The following SMCHD1 variants were observed in gnomAD, a reference collection of about 807,000 sequenced individuals.
SMCHD1 encodes structural maintenance of chromosomes flexible hinge domain-containing protein 1.
Under a neutral mutation model 254.7 loss-of-function variants are expected in SMCHD1, and 78 were observed. The observed-to-expected ratio is 0.31, with a 90% CI of 0.26 to 0.37. SMCHD1 has a LOEUF of 0.37. Ranked by LOEUF, SMCHD1 falls within the 10% of genes least tolerant of loss-of-function variation. SMCHD1 has a pLI of 1.00. For missense variants in SMCHD1, 1,840 were observed against 2,408.1 expected, an observed-to-expected ratio of 0.76 and a Z score of 4.94; for synonymous variants, 766 against 794.9, an observed-to-expected ratio of 0.96 and a Z score of 0.61.
At position 2,775,836 on chromosome 18, in the gene SMCHD1, G is replaced by A; in HGVS notation, c.5278G>A (p.Ala1760Thr). 1 of 1,612,412 alleles carries A rather than the reference G, an allele frequency of 6.2e-7. No homozygotes were observed. Among genetic ancestry groups the A allele is most frequent in the Non-Finnish European group, 8.5e-7 (1 of 1,179,428 alleles). Residue 1760 changes from alanine to threonine, a missense_variant, in exon 42 of 48, where the codon GCA becomes ACA. By Grantham distance (58) the Ala-to-Thr change is moderately conservative (BLOSUM62 0). Transcript: ENST00000320876. ...DCVVTLTTDA[A>T]RRIYDETQGR... ...TGTAGTCACCCTAACCACTGACGCT[G>A]CACGTCGTATCTATGATGAAACCCA...
In SMCHD1 at chr18:2,750,070, A is replaced by C; in HGVS notation, c.3955A>C (p.Thr1319Pro). 1 of 1,574,318 alleles carries C rather than the reference A, an allele frequency of 6.4e-7. No homozygotes were observed. Among genetic ancestry groups the C allele is most frequent in the Non-Finnish European group, 8.6e-7 (1 of 1,158,026 alleles). ...CATGCCTTCAAACCAACAGCATAAAACAGATGAGAAAGGCAGGGCTAATTT... is the reference window on the plus strand; with the variant it reads ...CATGCCTTCAAACCAACAGCATAAACCAGATGAGAAAGGCAGGGCTAATTT... ...KLMPSNQQHK[T>P]DEKGRANLGV... is the part of the protein sequence containing the mutation. The change falls in exon 31 of 48, where the codon ACA (threonine) becomes CCA (proline). Residue 1319 changes from threonine (T) to proline (P), a missense_variant. Around this residue, in one of 9 missense-constraint regions of SMCHD1, gnomAD observed 881 missense variants for 1,009.5 expected, o/e 0.87. Transcript: ENST00000320876.
At position 2,777,829 on chromosome 18, in the gene SMCHD1, GA is replaced by G; in HGVS notation, c.5394del (p.Lys1798AsnfsTer17). 6.5e-7 allele frequency: 1 copy of G among 1,539,290 alleles called. No individual in the cohort carries two copies. ...WKRSLPHFRNGKLYFKPIGDP... is the reference protein window; with the variant it reads ...WKRSLPHFRNXKLYFKPIGDP... ...AGATCTCTACCTCATTTCCGAAATG[GA>G]AAATTGTATTTTAAACCCATTGGAG... On this transcript the variant is annotated frameshift_variant, in exon 43 of 48. Coordinates refer to ENST00000320876, the MANE Select transcript of SMCHD1 (RefSeq NM_015295.3). LOFTEE classifies it high-confidence loss of function.
intron 5 of SMCHD1, among the ~76,000 whole-genome samples, chr18:2,684,494 A>G (rs1048556876): frequency 4.6e-5 from 7 of 152,032 alleles, no homozygotes; most frequent in Non-Finnish European, 7.4e-5. Flanking sequence ...GTCTCTTTAT[A>G]TTTAAAGAGG....
intron 41 of SMCHD1, among the ~76,000 whole-genome samples, chr18:2,773,128 C>T (rs2076011312): frequency 6.6e-6 from 1 of 152,050 alleles, no homozygotes; most frequent in African/African-American, 2.4e-5. Context: ...TAGGGGGTAA[C>T]GTGTAGCAAT....
intron 25 of SMCHD1, among the ~76,000 whole-genome samples, chr18:2,737,686 TAC>T (rs2075276143): frequency 6.6e-6 from 1 of 152,178 alleles, no homozygotes. Context: ...CAACCTGGGC[TAC>T]AGAGTGAGAC....
Position 2,749,618 on chromosome 18 carries a change from A to C in SMCHD1, c.3928-425A>C, listed in dbSNP as rs143428033. 4.1e-4 allele frequency among the ~76,000 whole-genome samples: 63 copies of C among 152,296 alleles called. No homozygotes were observed. In the East Asian group the frequency reaches 0.011, roughly 26 times the overall value. ...ATCTGAGTAGACTTTCAAGAGAAAA[A>C]TGAAGAATGAAGATAGTGCTATGAT... is the stretch of plus-strand genomic sequence containing the variant. On this transcript the variant is annotated intron_variant, in intron 30 of 47. Transcript: ENST00000320876.
At position 2,752,521 on chromosome 18, in the gene SMCHD1, A is replaced by C. The variant is rs1166567345; in HGVS notation, c.4315A>C (p.Asn1439His). The C allele has an allele frequency of 6.3e-7, 1 of 1,595,882 alleles. No homozygotes were observed. Among genetic ancestry groups the C allele is most frequent in the Non-Finnish European group, 8.6e-7 (1 of 1,164,020 alleles). Residue 1439 changes from asparagine to histidine, a missense_variant, in exon 34 of 48, where the codon AAT becomes CAT. Transcript: ENST00000320876. ...ATTTAGTTGTAATAAAATAAAAGAT[A>C]ATGACAAAGAAGATGGCTGCTTCTA... ...ETFSCNKIKD[N>H]DKEDGCFYFR...
At position 2,763,727 on chromosome 18, in the gene SMCHD1, C is replaced by T. The variant is rs1328817269; in HGVS notation, c.4657C>T (p.Leu1553Phe). 1 of 1,609,532 alleles carries T rather than the reference C, an allele frequency of 6.2e-7. No homozygotes were observed. The highest frequency in any genetic ancestry group is 1.3e-5 in the African/African-American group (1 of 74,514). Residue 1553 changes from leucine (L) to phenylalanine (F), a missense_variant, in exon 37 of 48, where the codon CTT (leucine) becomes TTT (phenylalanine). Coordinates refer to ENST00000320876, the MANE Select transcript of SMCHD1 (RefSeq NM_015295.3). ...GSNEEDTDTPLFIGKVRTLEF... is the reference protein window; with the variant it reads ...GSNEEDTDTPFFIGKVRTLEF... The stretch of plus-strand genomic sequence containing the variant: ...TAATGAGGAAGATACTGATACCCCA[C>T]TTTTTATTGGGAAAGTTAGAACACT...
At position 2,778,486 on chromosome 18, in the gene SMCHD1, T is replaced by G. The variant is rs533505475; in HGVS notation, c.5547+247T>G. ...GTCTGTTAGGATTGGAAAAAAGTAC[T>G]GTCAGGTAATTTTGGTGTAAAATGT... On this transcript the variant is annotated intron_variant, in intron 44 of 47. Coordinates refer to ENST00000320876, the MANE Select transcript of SMCHD1 (RefSeq NM_015295.3). Among the ~76,000 whole-genome samples the G allele has an allele frequency of 2.6e-5, 4 of 152,356 alleles. No homozygotes were observed. In the East Asian group the frequency reaches 7.7e-4, roughly 29 times the overall value.
In SMCHD1 at chr18:2,698,940, C is replaced by T. The variant is rs192099932; in HGVS notation, c.1342+899C>T. Among the ~76,000 whole-genome samples, 62 of 151,906 alleles carry T rather than the reference C, an allele frequency of 4.1e-4. No individual in the cohort carries two copies. The East Asian group carries it at 0.011, about 28-fold the overall frequency. The stretch of plus-strand genomic sequence containing the variant: ...GGGAAAAAACATTTTCACTATTGTT[C>T]CTTTTTGAGAATACTTTTGCTCTTC... On this transcript the variant is annotated intron_variant, in intron 10 of 47. Coordinates refer to ENST00000320876, the MANE Select transcript of SMCHD1 (RefSeq NM_015295.3).
intron 11 of SMCHD1, 28 bp from the exon 12 acceptor site, chr18:2,700,707 T>C (rs1160349401): frequency 1.2e-6 from 2 of 1,605,554 alleles, no homozygotes; most frequent in Non-Finnish European, 1.7e-6. Context: ...TTAATTCTTT[T>C]ACTAACTAAC....
At chr18:2,766,593 AAC>A (rs2075873059) in intron 37 of SMCHD1, among the ~76,000 whole-genome samples, 1 of 152,260 alleles carries the variant, frequency 6.6e-6, no homozygotes, top group African/African-American at 2.4e-5. Context: ...AAGTTTAGGA[AAC>A]ACTGGTCTAG....
In SMCHD1 at chr18:2,720,267, GCTTT is replaced by G. The variant is rs1199250383; in HGVS notation, c.2458+1836_2458+1839del. Among the ~76,000 whole-genome samples, 5 of 152,134 alleles carry G rather than the reference GCTTT, an allele frequency of 3.3e-5. No homozygotes were observed. The East Asian group carries it at 9.7e-4, about 29-fold the overall frequency. On this transcript the variant is annotated intron_variant, in intron 19 of 47. Coordinates refer to ENST00000320876, the MANE Select transcript of SMCHD1 (RefSeq NM_015295.3). Reference sequence around the variant, plus strand: ...TTTTCTTAACAGCTTGATGTTCTATGCTTTCTATTTTTTCCTTTTTGCTACCATT... The same window carrying G: ...TTTTCTTAACAGCTTGATGTTCTATGCTATTTTTTCCTTTTTGCTACCATT...
intron 27 of SMCHD1, among the ~76,000 whole-genome samples, chr18:2,740,071 C>T (rs2075319986): frequency 6.6e-6 from 1 of 151,996 alleles, no homozygotes; most frequent in Non-Finnish European, 1.5e-5. Context: ...CTCTTAAATG[C>T]TGTCCCTCCC....
Position 2,697,135 on chromosome 18 carries a change from TC to T in SMCHD1, c.1131+15del. On this transcript the variant is annotated intron_variant, in intron 9 of 47. Transcript: ENST00000320876. The stretch of plus-strand genomic sequence containing the variant: ...TATTGATATTGAAGTAAGAGAAAAA[TC>T]CATCTTAAAATAATAAAAATTATGA... 7.9e-7 allele frequency: 1 copy of T among 1,266,062 alleles called. No homozygotes were observed. Among genetic ancestry groups the T allele is most frequent in the Non-Finnish European group, 1.1e-6 (1 of 920,732 alleles). 78.4% of individuals were successfully genotyped at this position (1,266,062 alleles called of 1,614,324 possible).
chr18:2,766,069 C>G (rs1327869463), intron 37 of SMCHD1, among the ~76,000 whole-genome samples: 1 of 150,704 alleles, frequency 6.6e-6, no homozygotes, highest in East Asian at 1.9e-4. Flanking sequence ...TTGCCCCTCA[C>G]TGCAAGCTCT....
chr18:2,791,172 T>G (rs1428024007), intron 45 of SMCHD1, among the ~76,000 whole-genome samples: 1 of 152,128 alleles, frequency 6.6e-6, no homozygotes, highest in Non-Finnish European at 1.5e-5. Context: ...TTTTAAAAGG[T>G]GTTTCTGCAG....
rs1271941785 is a variant in SMCHD1, at chr18:2,674,435, G to A, written c.638+290G>A. Among the ~76,000 whole-genome samples, 3 of 152,128 alleles carry A rather than the reference G, an allele frequency of 2.0e-5. No individual in the cohort carries two copies. The East Asian group carries it at 5.8e-4, about 29-fold the overall frequency. On this transcript the variant is annotated intron_variant, in intron 5 of 47. Transcript: ENST00000320876. Reference sequence around the variant, plus strand: ...TTCCTAACTCTGTATAGCCTCTGTAGCAGTAGAATCATTTTAAAATGGGCT... The same window carrying A: ...TTCCTAACTCTGTATAGCCTCTGTAACAGTAGAATCATTTTAAAATGGGCT...
Position 2,666,047 on chromosome 18 carries a change from A to C in SMCHD1, c.187-110A>C, listed in dbSNP as rs9947882. Reference sequence around the variant, plus strand: ...AGTTTTGTATTTCCTAGATAAGTGTAGTGGTTACAGAATTATAATGTACTA... The same window carrying C: ...AGTTTTGTATTTCCTAGATAAGTGTCGTGGTTACAGAATTATAATGTACTA... On this transcript the variant is annotated intron_variant, in intron 1 of 47. Coordinates refer to ENST00000320876, the MANE Select transcript of SMCHD1 (RefSeq NM_015295.3). 124,563 of 549,722 alleles carry C rather than the reference A, an allele frequency of 0.23. 15,085 individuals are homozygous for C. The highest frequency in any genetic ancestry group is 0.32 in the East Asian group (9,959 of 30,798). 34.1% of individuals were successfully genotyped at this position (549,722 alleles called of 1,614,324 possible). A position where few individuals can be genotyped will look rare whatever the true frequency, so the allele number is the denominator to read the frequency against.
Sources: gnomAD v4.1 joint callset for allele counts (sites outside exome capture counted in the v4.1 genomes callset) on GRCh38, gnomAD v4.1.1 for gene constraint, gnomAD v4.1.1 regional missense constraint, MANE v1.5 for transcripts, NCBI Gene and HGNC (gene_info 2026-07-23, HGNC 2026-07-21) for gene names.